The following PAXIP1 variants were observed in gnomAD, a reference collection of about 807,000 sequenced individuals.
The protein encoded by PAXIP1 is PAX-interacting protein 1.
A neutral mutation model predicts 140.6 loss-of-function variants in PAXIP1; 19 were observed. The observed-to-expected ratio is 0.14, with a 90% CI of 0.09 to 0.20. The LOEUF (loss-of-function observed/expected upper bound fraction) is 0.20, where lower values mean the gene tolerates loss of function less well. Among genes scored for constraint, PAXIP1 ranks in the 10% least tolerant of loss-of-function variants. The pLI is 1.00. For missense variants in PAXIP1, 920 were observed against 1,208.6 expected (o/e 0.76, Z 3.54); for synonymous variants, 442 against 444.6 (o/e 0.99, Z 0.07).
intron 1 of PAXIP1, among the ~76,000 whole-genome samples, chr7:155,002,425 G>A (rs1483176218): frequency 6.6e-6 from 1 of 152,078 alleles, no homozygotes; most frequent in African/African-American, 2.4e-5. Context: ...AGCTGCCCCG[G>A]CTGGGGATCC....
chr7:154,962,149 T>C (rs1389337792), intron 10 of PAXIP1, among the ~76,000 whole-genome samples, 172 bp downstream of exon 10: 1 of 152,194 alleles, frequency 6.6e-6, no homozygotes, highest in Admixed American at 6.5e-5. Context: ...TACACAGAAC[T>C]AAAAGAAAAC....
Position 154,963,942 on chromosome 7 carries a change from A to G in PAXIP1, c.1894-176T>C. Reference sequence around the variant, plus strand: ...CGGACTTTTCTACCCAGCACCATACAATGAAAATGAACTCCAATACTCTAA... The same window carrying G: ...CGGACTTTTCTACCCAGCACCATACGATGAAAATGAACTCCAATACTCTAA... On this transcript the variant is annotated intron_variant, in intron 8 of 20. Transcript: ENST00000404141. This position sits in a 1 kb window ranked among gnomAD's most constrained non-coding sequence, Gnocchi z 4.1. The G allele has an allele frequency of 1.7e-6, 1 of 572,398 alleles. No homozygotes were observed. Among genetic ancestry groups the G allele is most frequent in the Non-Finnish European group, 3.1e-6 (1 of 317,474 alleles). The allele number at this position is 572,398 out of a possible 1,614,324, so 35.5% of individuals were successfully genotyped here. A position where few individuals can be genotyped will look rare whatever the true frequency, so the allele number is the denominator to read the frequency against.
chr7:154,953,634 C>T (rs1158301416), intron 16 of PAXIP1, among the ~76,000 whole-genome samples: 2 of 152,100 alleles, frequency 1.3e-5, no homozygotes, highest in Non-Finnish European at 2.9e-5. Flanking sequence ...AGTAAGGGCA[C>T]ATAGCTGCCC....
intron 16 of PAXIP1, chr7:154,948,474 G>C (rs12537861): frequency 0.58 from 89,682 of 155,060 alleles, 26,108 homozygotes; most frequent in Admixed American, 0.66. Context: ...TTGAGTCTGG[G>C]AAGTTCGAGG....
At chr7:154,953,282 A>G (rs1808354874) in intron 16 of PAXIP1, among the ~76,000 whole-genome samples, 1 of 152,182 alleles carries the variant, frequency 6.6e-6, no homozygotes, top group Non-Finnish European at 1.5e-5. Flanking sequence ...TAGGTGAGAA[A>G]GTGCGAGAAC....
Position 154,990,995 on chromosome 7 carries a change from A to G in PAXIP1, c.324+11T>C. 6.6e-7 allele frequency: 1 copy of G among 1,523,856 alleles called. No homozygotes were observed. Among genetic ancestry groups the G allele is most frequent in the African/African-American group, 1.4e-5 (1 of 72,214 alleles). 94.4% of individuals were successfully genotyped at this position (1,523,856 alleles called of 1,614,324 possible). On this transcript the variant is annotated intron_variant, in intron 4 of 20. Transcript: ENST00000404141. ...TATAAATAACTCAAGACTAACTGTA[A>G]CCATGCTTACCTGAGAAAGGCAGGC...
At chr7:154,953,109 G>A (rs926959982) in intron 16 of PAXIP1, among the ~76,000 whole-genome samples, 5 of 152,134 alleles carry the variant, frequency 3.3e-5, no homozygotes, top group African/African-American at 7.2e-5. Flanking sequence ...ATTTAATGAC[G>A]ACTTGTGTCT....
chr7:154,977,491 A>G (rs10278842), intron 5 of PAXIP1, among the ~76,000 whole-genome samples: 56,600 of 152,156 alleles, frequency 0.37, 10,911 homozygotes, highest in African/African-American at 0.48. Flanking sequence ...CGGTCCTGGC[A>G]GCGAACGCCA....
chr7:154,961,205 CA>C, intron 11 of PAXIP1, 128 bp from the exon 12 acceptor site: 1 of 749,828 alleles, frequency 1.3e-6, no homozygotes, highest in Non-Finnish European at 2.1e-6. Context: ...CATATCCTAG[CA>C]AAGTTGAGGG....
intron 2 of PAXIP1, among the ~76,000 whole-genome samples, chr7:154,995,329 G>A (rs935289353): frequency 6.6e-6 from 1 of 152,152 alleles, no homozygotes; most frequent in East Asian, 1.9e-4. Flanking sequence ...CAGCATACAC[G>A]CTGAATATCT....
Position 154,973,026 on chromosome 7 carries a change from G to A in PAXIP1, c.1074+2670C>T, listed in dbSNP as rs1321256014. ...CGCCCACCTGCCTGGACGCGGATGT[G>A]CAGGGACCAGGGCCGGCACCCTCAG... On this transcript the variant is annotated intron_variant, in intron 6 of 20. Coordinates refer to ENST00000404141, the MANE Select transcript of PAXIP1 (RefSeq NM_007349.4). This position sits in a 1 kb window ranked among gnomAD's most constrained non-coding sequence, Gnocchi z 4.0. Among the ~76,000 whole-genome samples, 23 of 152,252 alleles carry A rather than the reference G, an allele frequency of 1.5e-4. 1 individual carries two copies. Among genetic ancestry groups the A allele is most frequent in the Admixed American group, 1.5e-3 (23 of 15,288 alleles).
intron 20 of PAXIP1, 73 bp from the exon 21 acceptor site, chr7:154,944,237 C>T (rs896488017): frequency 5.1e-6 from 7 of 1,384,710 alleles, no homozygotes; most frequent in Non-Finnish European, 7.0e-6. Flanking sequence ...TTCCAACATT[C>T]ATCATCCAGT....
intron 3 of PAXIP1, among the ~76,000 whole-genome samples, chr7:154,992,909 A>G (rs1173792268): frequency 1.3e-5 from 2 of 152,200 alleles, no homozygotes; most frequent in African/African-American, 4.8e-5. Flanking sequence ...CATTGATTCA[A>G]TGGGTAATAA....
rs376061286 is a variant in PAXIP1 at position 154,973,009 on chromosome 7, T to C, written c.1074+2687A>G. Reference sequence around the variant, plus strand: ...GCCCTGTGGCTTTATCCCGCCCACCTGCCTGGACGCGGATGTGCAGGGACC... The same window carrying C: ...GCCCTGTGGCTTTATCCCGCCCACCCGCCTGGACGCGGATGTGCAGGGACC... On this transcript the variant is annotated intron_variant, in intron 6 of 20. Transcript: ENST00000404141. The surrounding 1 kb of genome is among the most constrained non-coding windows in gnomAD (Gnocchi z 4.0). Among the ~76,000 whole-genome samples, 2 of 152,368 alleles carry C rather than the reference T, an allele frequency of 1.3e-5. No homozygotes were observed. Among genetic ancestry groups the C allele is most frequent in the Admixed American group, 6.5e-5 (1 of 15,304 alleles).
At chr7:154,978,637 ACAG>A (rs1809709105) in intron 5 of PAXIP1, among the ~76,000 whole-genome samples, 1 of 152,240 alleles carries the variant, frequency 6.6e-6, no homozygotes, top group African/African-American at 2.4e-5. Flanking sequence ...GTCCAGGTAC[ACAG>A]CAGAATATTT....
At chr7:154,998,225 A>T (rs1322432006) in intron 2 of PAXIP1, among the ~76,000 whole-genome samples, 1 of 152,224 alleles carries the variant, frequency 6.6e-6, no homozygotes, top group Non-Finnish European at 1.5e-5. Context: ...ACAGGACTTT[A>T]GGGCCAGCAC....
At chr7:154,974,663 T>C (rs532370932) in intron 6 of PAXIP1, 2 of 152,222 alleles carry the variant, frequency 1.3e-5, no homozygotes, top group East Asian at 3.9e-4. Context: ...GGACCCTGAT[T>C]ATTTTCTTTG....
At chr7:154,958,298 G>T (rs1296404220) in intron 13 of PAXIP1, among the ~76,000 whole-genome samples, 2 of 152,194 alleles carry the variant, frequency 1.3e-5, no homozygotes, top group Non-Finnish European at 2.9e-5. Context: ...CCTATTCCTT[G>T]TTGACTCCTC....
At chr7:154,964,152 C>A (rs913362600) in intron 8 of PAXIP1, 17 of 167,552 alleles carry the variant, frequency 1.0e-4, no homozygotes, top group South Asian at 6.2e-4. Flanking sequence ...AGCCCCCTAG[C>A]CGCGACTACT....
Sources: gnomAD v4.1 joint callset for allele counts (sites outside exome capture counted in the v4.1 genomes callset) on GRCh38, gnomAD v4.1.1 for gene constraint, Gnocchi (gnomAD v3.1) non-coding constraint, MANE v1.5 for transcripts, NCBI Gene and HGNC (gene_info 2026-07-23, HGNC 2026-07-21) for gene names.